The following LSAMP variants were observed in gnomAD, a reference collection of about 807,000 sequenced individuals.
The protein encoded by LSAMP is limbic system associated membrane protein.
LSAMP carries 7 observed loss-of-function variants against 38.6 expected under a neutral mutation model. The ratio of observed to expected loss-of-function variants is 0.18; its 90% CI spans 0.10 to 0.34. The LOEUF is 0.34. Ranked by LOEUF, LSAMP falls within the 10% of genes least tolerant of loss-of-function variation. The pLI is 1.00. For synonymous variants in LSAMP, 154 were observed against 166.8 expected (o/e 0.92, Z 0.59); for missense variants, 313 against 420.0 (o/e 0.75, Z 2.23).
chr3:116,220,990 T>A (rs1327157558), intron 1 of LSAMP, among the ~76,000 whole-genome samples: 2 of 151,634 alleles, frequency 1.3e-5, no homozygotes. Context: ...CCATCTCTAC[T>A]AAAAATACAA....
At chr3:116,211,596 A>G (rs1461451267) in intron 1 of LSAMP, among the ~76,000 whole-genome samples, 1 of 152,244 alleles carries the variant, frequency 6.6e-6, no homozygotes, top group Non-Finnish European at 1.5e-5. Context: ...CAAAGTGAAT[A>G]CTGAGAAACC....
intron 1 of LSAMP, among the ~76,000 whole-genome samples, chr3:116,164,682 T>A (rs1202030399): frequency 8.4e-6 from 1 of 119,518 alleles, no homozygotes; most frequent in African/African-American, 3.3e-5. Context: ...TATATATATA[T>A]AATCCAAATA....
At chr3:116,350,039 T>G (rs181041667) in intron 1 of LSAMP, among the ~76,000 whole-genome samples, 2 of 152,208 alleles carry the variant, frequency 1.3e-5, no homozygotes, top group African/African-American at 4.8e-5. Flanking sequence ...GAAGAGGTTT[T>G]AAGTGTCTTC....
chr3:115,916,104 G>A (rs553248521), intron 3 of LSAMP, among the ~76,000 whole-genome samples: 1 of 152,142 alleles, frequency 6.6e-6, no homozygotes, highest in African/African-American at 2.4e-5. Context: ...TAAAGCTTAA[G>A]TCCAACACCG....
intron 1 of LSAMP, among the ~76,000 whole-genome samples, chr3:116,429,480 T>C (rs2049250468): frequency 1.3e-5 from 2 of 152,302 alleles, no homozygotes; most frequent in African/African-American, 4.8e-5. Context: ...ATGCAAATTA[T>C]TTTGCTTCAT....
intron 1 of LSAMP, among the ~76,000 whole-genome samples, chr3:116,344,486 A>G (rs1225044385): frequency 6.6e-6 from 1 of 152,130 alleles, no homozygotes; most frequent in Non-Finnish European, 1.5e-5. Context: ...TCAACAGAAA[A>G]GATTTTATTA....
At chr3:115,957,000 A>G (rs756549539) in intron 3 of LSAMP, among the ~76,000 whole-genome samples, 2 of 152,174 alleles carry the variant, frequency 1.3e-5, no homozygotes, top group Non-Finnish European at 1.5e-5. Flanking sequence ...GTAAACCCCA[A>G]CAATGATTTA....
chr3:115,939,587 T>TTTCTTTC (rs1553751096), intron 3 of LSAMP, among the ~76,000 whole-genome samples: 2 of 151,226 alleles, frequency 1.3e-5, no homozygotes, highest in African/African-American at 2.4e-5. Context: ...TTTCTTTCTG[T>TTTCTTTC]TAAGAGACAG....
At chr3:116,257,266 C>G (rs2046764289) in intron 1 of LSAMP, among the ~76,000 whole-genome samples, 2 of 152,170 alleles carry the variant, frequency 1.3e-5, no homozygotes, top group African/African-American at 4.8e-5. Context: ...CCAATCTGTG[C>G]ATGTGTACTC....
At chr3:115,821,799 AGAG>A (rs1010110309) in intron 6 of LSAMP, among the ~76,000 whole-genome samples, 2 of 152,206 alleles carry the variant, frequency 1.3e-5, no homozygotes, top group Non-Finnish European at 2.9e-5. Context: ...TAAAAGAAAC[AGAG>A]GAGGAGATCA....
chr3:116,363,782 G>A (rs1311363993), intron 1 of LSAMP, among the ~76,000 whole-genome samples: 1 of 149,952 alleles, frequency 6.7e-6, no homozygotes, highest in African/African-American at 2.5e-5. Context: ...CTCAATAGAT[G>A]CAGAAAAGGC....
chr3:116,366,026 A>AAAAG (rs2048348123), intron 1 of LSAMP, among the ~76,000 whole-genome samples: 1 of 143,600 alleles, frequency 7.0e-6, no homozygotes, highest in Admixed American at 6.9e-5. Flanking sequence ...AAAAAAAAAA[A>AAAAG]AAAAAAAAAA....
chr3:116,123,696 T>C (rs762157993), intron 1 of LSAMP, among the ~76,000 whole-genome samples: 25 of 152,226 alleles, frequency 1.6e-4, no homozygotes, highest in Non-Finnish European at 2.9e-4. Flanking sequence ...AAATCTTAAA[T>C]TTAAGAAGTC....
intron 1 of LSAMP, among the ~76,000 whole-genome samples, chr3:116,115,011 T>C (rs958132460): frequency 1.8e-4 from 28 of 152,266 alleles, no homozygotes; most frequent in African/African-American, 6.0e-4. Flanking sequence ...TTGTTTTGCA[T>C]GTTATTCACC....
intron 1 of LSAMP, among the ~76,000 whole-genome samples, chr3:116,241,394 C>G (rs2046531971): frequency 1.3e-5 from 2 of 151,944 alleles, no homozygotes; most frequent in Non-Finnish European, 2.9e-5. Context: ...TGGTAAAACC[C>G]TGTCTCTACT....
At chr3:116,022,404 AACCTTC>A (rs1208675361) in intron 2 of LSAMP, among the ~76,000 whole-genome samples, 1 of 152,094 alleles carries the variant, frequency 6.6e-6, no homozygotes, top group Non-Finnish European at 1.5e-5. Context: ...TCCACACCTC[AACCTTC>A]AGTGCAATCT....
intron 2 of LSAMP, among the ~76,000 whole-genome samples, chr3:116,024,686 T>C (rs954557897): frequency 1.2e-4 from 19 of 152,082 alleles, no homozygotes; most frequent in African/African-American, 4.6e-4. Flanking sequence ...TAGCCCTCCA[T>C]AGAATTAAGT....
intron 1 of LSAMP, among the ~76,000 whole-genome samples, chr3:116,278,846 T>C (rs917162651): frequency 6.6e-6 from 1 of 152,340 alleles, no homozygotes; most frequent in Middle Eastern, 3.4e-3. Context: ...AGTGTTTTGT[T>C]GATACTTTTA....
chr3:115,893,546 G>T (rs986243302), intron 3 of LSAMP, among the ~76,000 whole-genome samples: 10 of 151,804 alleles, frequency 6.6e-5, no homozygotes, highest in African/African-American at 1.9e-4. Context: ...AAAATCAAAG[G>T]ACCTTTTAAA....
Sources: allele counts gnomAD v4.1 joint callset (sites outside exome capture counted in the v4.1 genomes callset), GRCh38; gene constraint gnomAD v4.1.1; transcripts MANE v1.5; gene names NCBI Gene and HGNC (gene_info 2026-07-23, HGNC 2026-07-21).